The following CTNNA2 variants were observed in gnomAD, a reference collection of about 807,000 sequenced individuals.
CTNNA2 encodes the protein catenin alpha-2.
In CTNNA2, 42 loss-of-function variants were observed where a neutral mutation model predicts 101.0. The observed-to-expected ratio is 0.42, with a 90% CI of 0.32 to 0.54. The LOEUF is 0.54. Ranked by LOEUF, CTNNA2 falls within the 20% of genes least tolerant of loss-of-function variation. The pLI is 0.14. For missense variants in CTNNA2, 871 were observed against 1,223.1 expected, an observed-to-expected ratio of 0.71 and a Z score of 4.29; for synonymous variants, 450 against 456.4, an observed-to-expected ratio of 0.99 and a Z score of 0.18.
intron 7 of CTNNA2, among the ~76,000 whole-genome samples, chr2:80,262,471 T>C (rs1437229545): frequency 6.6e-6 from 1 of 152,210 alleles, no homozygotes; most frequent in Non-Finnish European, 1.5e-5. Flanking sequence ...CTAATGGGAA[T>C]TCTTTCGAAA....
At chr2:79,995,520 A>G (rs1692478028) in intron 7 of CTNNA2, among the ~76,000 whole-genome samples, 1 of 152,176 alleles carries the variant, frequency 6.6e-6, no homozygotes, top group South Asian at 2.1e-4. Flanking sequence ...ATAAGTTTTT[A>G]AAAGTCTGGG....
At chr2:80,278,075 G>A (rs1299693336) in intron 7 of CTNNA2, among the ~76,000 whole-genome samples, 1 of 152,090 alleles carries the variant, frequency 6.6e-6, no homozygotes, top group South Asian at 2.1e-4. Context: ...CGTTGTCCAG[G>A]TGTATACATT....
chr2:79,508,957 A>G (rs1224540982), upstream of CTNNA2, among the ~76,000 whole-genome samples: 3 of 52 alleles, frequency 0.058, no homozygotes, highest in African/African-American at 0.38. Context: ...CCATTGCAGT[A>G]TATATATATA....
At chr2:80,440,702 C>T (rs1682483008) in intron 9 of CTNNA2, among the ~76,000 whole-genome samples, 1 of 152,126 alleles carries the variant, frequency 6.6e-6, no homozygotes, top group Non-Finnish European at 1.5e-5. Context: ...GAAAAAAAGG[C>T]ATTACGGGAA....
chr2:80,047,045 A>G (rs1696576114), intron 7 of CTNNA2, among the ~76,000 whole-genome samples: 1 of 152,120 alleles, frequency 6.6e-6, no homozygotes. Flanking sequence ...ACCTGAAAAC[A>G]TCTCCAGACA....
intron 4 of CTNNA2, among the ~76,000 whole-genome samples, chr2:79,459,859 CT>C (rs1363374027): frequency 6.6e-6 from 1 of 152,124 alleles, no homozygotes; most frequent in African/African-American, 2.4e-5. Flanking sequence ...TCATTCAACT[CT>C]TACGTTGCAG....
intron 3 of CTNNA2, among the ~76,000 whole-genome samples, chr2:79,359,432 G>A (rs1262538622): frequency 6.6e-6 from 1 of 152,154 alleles, no homozygotes; most frequent in African/African-American, 2.4e-5. Flanking sequence ...TTCAAAAATG[G>A]TGTCTGAGAT....
At chr2:80,250,370 A>G (rs1232853266) in intron 7 of CTNNA2, among the ~76,000 whole-genome samples, 2 of 152,208 alleles carry the variant, frequency 1.3e-5, no homozygotes, top group Non-Finnish European at 2.9e-5. Context: ...ATAACCAGGA[A>G]TTATTAGCAT....
At chr2:79,220,210 G>A (rs1674324742) in intron 2 of CTNNA2, among the ~76,000 whole-genome samples, 1 of 151,746 alleles carries the variant, frequency 6.6e-6, no homozygotes, top group Non-Finnish European at 1.5e-5. Flanking sequence ...GTATATATAT[G>A]TAAATGTATA....
At chr2:80,542,818 A>G (rs1691690371) in intron 9 of CTNNA2, among the ~76,000 whole-genome samples, 1 of 152,164 alleles carries the variant, frequency 6.6e-6, no homozygotes, top group Admixed American at 6.5e-5. Flanking sequence ...ATTGAATATT[A>G]AAAGGTAGAA....
intron 9 of CTNNA2, among the ~76,000 whole-genome samples, chr2:80,535,113 G>A (rs562984012): frequency 6.6e-4 from 101 of 152,212 alleles, no homozygotes; most frequent in African/African-American, 2.0e-3. Flanking sequence ...GGTAAACTAC[G>A]CAAGTGATCA....
At chr2:80,593,721 A>T (rs1401788365) in intron 15 of CTNNA2, among the ~76,000 whole-genome samples, 1 of 152,140 alleles carries the variant, frequency 6.6e-6, no homozygotes, top group East Asian at 1.9e-4. Flanking sequence ...TGAGTCACAC[A>T]ATATTTGTCC....
intron 7 of CTNNA2, among the ~76,000 whole-genome samples, chr2:80,036,079 C>A (rs1207421318): frequency 6.6e-6 from 1 of 152,138 alleles, no homozygotes; most frequent in Non-Finnish European, 1.5e-5. Context: ...GGAACTGGGG[C>A]CCCTCCTACC....
intron 14 of CTNNA2, among the ~76,000 whole-genome samples, chr2:80,587,749 C>T (rs577326906): frequency 6.6e-6 from 1 of 152,088 alleles, no homozygotes; most frequent in South Asian, 2.1e-4. Flanking sequence ...AACTGCAGTC[C>T]CCCAAACTGT....
chr2:79,287,662 A>G (rs545108004), intron 2 of CTNNA2, among the ~76,000 whole-genome samples: 107 of 152,020 alleles, frequency 7.0e-4, no homozygotes, highest in African/African-American at 2.5e-3. Flanking sequence ...GCTGTCAGAC[A>G]GGGACATTTA....
intron 2 of CTNNA2, among the ~76,000 whole-genome samples, chr2:79,674,117 A>G (rs1388512282): frequency 2.0e-5 from 3 of 152,170 alleles, no homozygotes; most frequent in Non-Finnish European, 4.4e-5. Flanking sequence ...TCTGTGTTTT[A>G]AAAAATTGCT....
intron 1 of CTNNA2, among the ~76,000 whole-genome samples, chr2:79,550,679 A>T (rs1190640821): frequency 1.3e-5 from 2 of 152,214 alleles, no homozygotes; most frequent in African/African-American, 4.8e-5. Context: ...GTATCTTTTT[A>T]TACCAAATAC....
chr2:80,275,722 G>T (rs983852827), intron 7 of CTNNA2, among the ~76,000 whole-genome samples: 1 of 152,110 alleles, frequency 6.6e-6, no homozygotes, highest in Non-Finnish European at 1.5e-5. Flanking sequence ...GAAAGAGAGA[G>T]AGAGAGAGAA....
chr2:80,355,139 A>G (rs1673658007), intron 7 of CTNNA2, among the ~76,000 whole-genome samples: 4 of 152,168 alleles, frequency 2.6e-5, no homozygotes. Context: ...ATTGTAGCAG[A>G]CATCGCTATA....
Sources: gnomAD v4.1 joint callset for allele counts (sites outside exome capture counted in the v4.1 genomes callset) on GRCh38, gnomAD v4.1.1 for gene constraint, MANE v1.5 for transcripts, NCBI Gene and HGNC (gene_info 2026-07-23, HGNC 2026-07-21) for gene names.